EHBP1: variants seen among roughly 807,000 people sequenced by gnomAD.
The protein encoded by EHBP1 is EH domain binding protein 1.
EHBP1 carries 55 observed loss-of-function variants against 144.0 expected under a neutral mutation model. That is an observed-to-expected ratio of 0.38 (90% CI 0.31 to 0.48). The LOEUF (loss-of-function observed/expected upper bound fraction) is 0.48, where lower values mean the gene tolerates loss of function less well. Ranked by LOEUF, EHBP1 falls within the 20% of genes least tolerant of loss-of-function variation. EHBP1 has a pLI of 0.98. For missense variants in EHBP1, 1,200 were observed against 1,364.2 expected (o/e 0.88, Z 1.90); for synonymous variants, 469 against 472.7 (o/e 0.99, Z 0.10).
intron 21 of EHBP1, among the ~76,000 whole-genome samples, chr2:63,043,159 A>G (rs1480024623): frequency 2.6e-5 from 4 of 152,214 alleles, no homozygotes; most frequent in African/African-American, 4.8e-5. Context: ...TGGAGAGCCT[A>G]TTAATTTACC....
intron 3 of EHBP1, among the ~76,000 whole-genome samples, chr2:62,748,572 A>T (rs945797468): frequency 1.3e-5 from 2 of 152,086 alleles, no homozygotes; most frequent in Admixed American, 1.3e-4. Flanking sequence ...AGATGAGAGG[A>T]TTGCTTGAGC....
intron 1 of EHBP1, among the ~76,000 whole-genome samples, chr2:62,695,639 T>C (rs774430811): frequency 3.9e-5 from 6 of 152,220 alleles, no homozygotes; most frequent in Non-Finnish European, 5.9e-5. Flanking sequence ...CGAGAGAACA[T>C]TTTAAAGATT....
At chr2:62,922,039 G>A (rs1312065178) in intron 10 of EHBP1, among the ~76,000 whole-genome samples, 3 of 152,124 alleles carry the variant, frequency 2.0e-5, no homozygotes, top group Non-Finnish European at 4.4e-5. Flanking sequence ...GCCAGGCATG[G>A]TGGCAGGCAC....
chr2:62,722,435 T>A (rs1002848378), intron 2 of EHBP1, among the ~76,000 whole-genome samples: 1 of 138,518 alleles, frequency 7.2e-6, no homozygotes, highest in African/African-American at 2.5e-5. Context: ...AAATAGGGAT[T>A]TTTTTTTTTT....
chr2:62,891,754 C>T (rs577859968), intron 10 of EHBP1, among the ~76,000 whole-genome samples: 2 of 151,936 alleles, frequency 1.3e-5, no homozygotes, highest in African/African-American at 4.8e-5. Context: ...TTGCATATAG[C>T]GAGGCCGTTT....
rs529338935 is a variant in EHBP1 at position 63,013,876 on chromosome 2, T to C, written c.3103+17110T>C. 1.3e-4 allele frequency among the ~76,000 whole-genome samples: 20 copies of C among 152,282 alleles called. 1 individual carries two copies. Among genetic ancestry groups the C allele is most frequent in the Admixed American group, 1.2e-3 (18 of 15,290 alleles). On this transcript the variant is annotated intron_variant, in intron 19 of 22. Transcript: ENST00000431489. ...GTAAATTAGTGAGATGAGGAAAATA[T>C]GAGAAAAATTTCTGATTAATTTCCA...
At chr2:62,961,967 G>A (rs1462947600) in intron 14 of EHBP1, among the ~76,000 whole-genome samples, 1 of 152,130 alleles carries the variant, frequency 6.6e-6, no homozygotes, top group Non-Finnish European at 1.5e-5. Flanking sequence ...GGCGAACGTT[G>A]CAATGAGTGG....
In EHBP1 at chr2:62,873,595, C is replaced by G. The variant is rs2050653004; in HGVS notation, c.999-751C>G. On this transcript the variant is annotated intron_variant, in intron 9 of 22. Transcript: ENST00000431489. Reference sequence around the variant, plus strand: ...ATAATTTTTCAGAACCGATAAAACACATGACTCTTCAGACTCAGGAAATAC... The same window carrying G: ...ATAATTTTTCAGAACCGATAAAACAGATGACTCTTCAGACTCAGGAAATAC... Among the ~76,000 whole-genome samples, 3 of 152,110 alleles carry G rather than the reference C, an allele frequency of 2.0e-5. 1 individual carries two copies. The highest frequency in any genetic ancestry group is 2.0e-4 in the Admixed American group (3 of 15,262).
intron 13 of EHBP1, among the ~76,000 whole-genome samples, chr2:62,949,862 A>G (rs1407717002): frequency 6.6e-6 from 1 of 152,152 alleles, no homozygotes; most frequent in Non-Finnish European, 1.5e-5. Flanking sequence ...GTTATAAGAT[A>G]TACTAATATT....
chr2:62,997,870 C>T (rs543781486), intron 19 of EHBP1, among the ~76,000 whole-genome samples: 3 of 152,106 alleles, frequency 2.0e-5, no homozygotes, highest in Admixed American at 6.5e-5. Context: ...TCTTCAGAGG[C>T]ACCTCAGGGG....
chr2:62,938,242 A>G (rs1343178205), intron 10 of EHBP1, among the ~76,000 whole-genome samples: 2 of 152,236 alleles, frequency 1.3e-5, no homozygotes, highest in African/African-American at 2.4e-5. Flanking sequence ...TCAACTTGAG[A>G]TAGTTTGAAC....
chr2:62,742,533 T>G (rs993017983), intron 2 of EHBP1, among the ~76,000 whole-genome samples: 1 of 152,088 alleles, frequency 6.6e-6, no homozygotes, highest in Non-Finnish European at 1.5e-5. Context: ...AAATGAGTGG[T>G]CTGAAAAGCA....
intron 2 of EHBP1, among the ~76,000 whole-genome samples, chr2:62,739,432 A>G (rs1441033338): frequency 1.3e-5 from 2 of 151,466 alleles, no homozygotes; most frequent in Non-Finnish European, 2.9e-5. Flanking sequence ...GGAACCGGGT[A>G]TATAACCTGG....
intron 10 of EHBP1, among the ~76,000 whole-genome samples, 158 bp from the exon 11 acceptor site, chr2:62,942,560 A>T (rs912242620): frequency 3.3e-5 from 5 of 152,240 alleles, no homozygotes; most frequent in African/African-American, 1.2e-4. Flanking sequence ...TTTAAGATTT[A>T]TGTCTCCCTC....
At chr2:62,848,064 A>T (rs900691750) in intron 7 of EHBP1, among the ~76,000 whole-genome samples, 29 of 151,324 alleles carry the variant, frequency 1.9e-4, no homozygotes, top group African/African-American at 7.0e-4. Flanking sequence ...GTACCATCAC[A>T]TAATGAGTGT....
At chr2:62,758,756 T>C (rs942335633) in intron 3 of EHBP1, among the ~76,000 whole-genome samples, 2 of 152,208 alleles carry the variant, frequency 1.3e-5, no homozygotes, top group Non-Finnish European at 2.9e-5. Flanking sequence ...CTTTACTTCC[T>C]TGCTCTGTGG....
At chr2:63,026,294 TTGTGTGTGTGTGTGTGTGTGTGTG>T (rs60109170) in intron 19 of EHBP1, among the ~76,000 whole-genome samples, 6 of 129,022 alleles carry the variant, frequency 4.7e-5, no homozygotes, top group Admixed American at 1.6e-4. Context: ...GCTCTCTACC[TTGTGTGTGTGTGTGTGTGTGTGTG>T]TGTGTGTGTG....
intron 5 of EHBP1, among the ~76,000 whole-genome samples, chr2:62,776,722 T>C (rs1183741066): frequency 6.6e-6 from 1 of 152,214 alleles, no homozygotes; most frequent in African/African-American, 2.4e-5. Flanking sequence ...GTATTTCTTT[T>C]GGATCATTTA....
At chr2:62,892,629 G>A (rs2052556779) in intron 10 of EHBP1, among the ~76,000 whole-genome samples, 1 of 151,974 alleles carries the variant, frequency 6.6e-6, no homozygotes, top group Non-Finnish European at 1.5e-5. Flanking sequence ...ATTCTACGTA[G>A]CAAAACTTTA....
Sources: gnomAD v4.1 joint callset for allele counts (sites outside exome capture counted in the v4.1 genomes callset) on GRCh38, gnomAD v4.1.1 for gene constraint, MANE v1.5 for transcripts, NCBI Gene and HGNC (gene_info 2026-07-23, HGNC 2026-07-21) for gene names.